The following PLG variants were observed in gnomAD, a reference collection of about 807,000 sequenced individuals.
PLG encodes the protein plasmin.
PLG carries 41 observed loss-of-function variants against 104.4 expected under a neutral mutation model. The observed-to-expected ratio is 0.39, with a 90% CI of 0.31 to 0.51. PLG has a LOEUF of 0.51. Among genes scored for constraint, PLG ranks in the 20% least tolerant of loss-of-function variants. The pLI, the probability that PLG is intolerant of heterozygous loss-of-function variation, is 0.76. For synonymous variants in PLG, 337 were observed against 357.1 expected (o/e 0.94, Z 0.63); for missense variants, 891 against 1,003.6 (o/e 0.89, Z 1.52).
intron 10 of PLG, among the ~76,000 whole-genome samples, chr6:160,727,445 T>C (rs574280260): frequency 1.3e-5 from 2 of 151,016 alleles, no homozygotes; most frequent in East Asian, 3.9e-4. Flanking sequence ...CTTGACTCAA[T>C]TTGTGAGAAA....
Position 160,736,722 on chromosome 6 carries a change from C to T in PLG, c.1682-165C>T, listed in dbSNP as rs1206488568. Among the ~76,000 whole-genome samples the T allele has an allele frequency of 6.6e-6, 1 of 152,222 alleles. No homozygotes were observed. Among genetic ancestry groups the T allele is most frequent in the Admixed American group, 6.5e-5 (1 of 15,288 alleles). On this transcript the variant is annotated intron_variant, in intron 13 of 18. Transcript: ENST00000308192. The surrounding 1 kb of genome is among the most constrained non-coding windows in gnomAD (Gnocchi z 5.2). ...AAAAGAGAGGGTCCTGTGTTGTCTA[C>T]TACCACTTTTGAAACTTAGAGAAAA...
chr6:160,749,024 G>A (rs1479963933), intron 17 of PLG, among the ~76,000 whole-genome samples: 1 of 152,186 alleles, frequency 6.6e-6, no homozygotes, highest in Non-Finnish European at 1.5e-5. Flanking sequence ...CCCTCAACAG[G>A]ATTATAGGAT....
chr6:160,705,978 T>C (rs1284916268), intron 1 of PLG: 5 of 211,928 alleles, frequency 2.4e-5, no homozygotes, highest in Non-Finnish European at 4.8e-5. Flanking sequence ...TCTTTTACTA[T>C]CTTGCAATCT....
rs948894408 is a variant in PLG at position 160,735,563 on chromosome 6, G to A, written c.1682-1324G>A. Reference sequence around the variant, plus strand: ...GTTAACCCCAAGCCTGGTGAGAAGCGTTCCCATCAGACACTTGGAAATCCT... The same window carrying A: ...GTTAACCCCAAGCCTGGTGAGAAGCATTCCCATCAGACACTTGGAAATCCT... On this transcript the variant is annotated intron_variant, in intron 13 of 18. Transcript: ENST00000308192. The surrounding 1 kb of genome is among the most constrained non-coding windows in gnomAD (Gnocchi z 5.4). Among the ~76,000 whole-genome samples, 4 of 152,166 alleles carry A rather than the reference G, an allele frequency of 2.6e-5. No individual in the cohort carries two copies. The highest frequency in any genetic ancestry group is 6.5e-5 in the Admixed American group (1 of 15,282).
Position 160,726,994 on chromosome 6 carries a change from T to G in PLG, c.1257-4057T>G, listed in dbSNP as rs1582942089. On this transcript the variant is annotated intron_variant, in intron 10 of 18. Transcript: ENST00000308192. The surrounding 1 kb of genome is among the most constrained non-coding windows in gnomAD (Gnocchi z 4.4). ...TGAGTAAATCTGTGAAACAGAAAGT[T>G]GGTTCTTTTGAAAGATTCATGTAAT... Among the ~76,000 whole-genome samples, 1 of 152,036 alleles carries G rather than the reference T, an allele frequency of 6.6e-6. No individual in the cohort carries two copies. The highest frequency in any genetic ancestry group is 1.9e-4 in the East Asian group (1 of 5,180).
Position 160,732,006 on chromosome 6 carries a change from A to T in PLG, c.1587+113A>T, listed in dbSNP as rs373446602. ...GGACTGCTCTTTTTTGTAATGGGGG[A>T]GAGGGGACAGAAGAAAATATTGGAA... On this transcript the variant is annotated intron_variant, in intron 12 of 18. Coordinates refer to ENST00000308192, the MANE Select transcript of PLG (RefSeq NM_000301.5). The surrounding 1 kb of genome is among the most constrained non-coding windows in gnomAD (Gnocchi z 4.5). 13 of 1,065,818 alleles carry T rather than the reference A, an allele frequency of 1.2e-5. No homozygotes were observed. The highest frequency in any genetic ancestry group is 7.1e-5 in the East Asian group (3 of 42,222). 66.0% of individuals were successfully genotyped at this position (1,065,818 alleles called of 1,614,324 possible).
chr6:160,734,483 G>A lies in PLG; in HGVS notation c.1681+395G>A, dbSNP rs1778054090. 6.6e-6 allele frequency among the ~76,000 whole-genome samples: 1 copy of A among 152,130 alleles called. No individual in the cohort carries two copies. Among genetic ancestry groups the A allele is most frequent in the South Asian group, 2.1e-4 (1 of 4,824 alleles). Reference sequence around the variant, plus strand: ...AGAAAATACAAACAGCAGGAAACAGGTAAGCATGTAACGCACATTGTAAAC... The same window carrying A: ...AGAAAATACAAACAGCAGGAAACAGATAAGCATGTAACGCACATTGTAAAC... On this transcript the variant is annotated intron_variant, in intron 13 of 18. Transcript: ENST00000308192. The surrounding 1 kb of genome is among the most constrained non-coding windows in gnomAD (Gnocchi z 4.4).
intron 9 of PLG, among the ~76,000 whole-genome samples, chr6:160,720,100 C>T (rs747138404): frequency 2.6e-5 from 4 of 152,076 alleles, no homozygotes; most frequent in Non-Finnish European, 5.9e-5. Flanking sequence ...ATTTTGCCTT[C>T]AGTTTTTAAA....
intron 3 of PLG, among the ~76,000 whole-genome samples, 164 bp from the exon 4 acceptor site, chr6:160,710,913 G>T (rs184424105): frequency 1.3e-5 from 2 of 152,292 alleles, no homozygotes; most frequent in East Asian, 3.9e-4. Context: ...TCAAAGAATG[G>T]CTCAGTTTAC....
chr6:160,713,511 C>T (rs1050109539), intron 5 of PLG: 3 of 239,594 alleles, frequency 1.3e-5, no homozygotes, highest in East Asian at 1.0e-4. Flanking sequence ...TCAGGTGATC[C>T]GCCTGCCTCA....
Position 160,716,650 on chromosome 6 carries a change from C to T in PLG, c.674C>T (p.Pro225Leu). The T allele has an allele frequency of 6.3e-7, 1 of 1,590,938 alleles. No homozygotes were observed. Among genetic ancestry groups the T allele is most frequent in the Non-Finnish European group, 8.6e-7 (1 of 1,158,948 alleles). ...AATCTTTCTTGTCCATTCAGATTTC[C>T]AAACAAGAACCTGAAGAAGAATTAC... is the stretch of plus-strand genomic sequence containing the variant. ...HAHGYIPSKF[P>L]NKNLKKNYCR... The change falls in exon 7 of 19, where the codon CCA becomes CTA. Residue 225 changes from proline to leucine, a missense_variant. Transcript: ENST00000308192.
intron 1 of PLG, among the ~76,000 whole-genome samples, chr6:160,703,409 C>T (rs868830280): frequency 1.7e-4 from 26 of 152,242 alleles, no homozygotes; most frequent in East Asian, 3.9e-4. Context: ...CCCCCAAAAA[C>T]GCACTCCACT....
At chr6:160,748,444 G>GAGAAAGAAAGAAA (rs1314017241) in intron 17 of PLG, among the ~76,000 whole-genome samples, 4 of 24,432 alleles carry the variant, frequency 1.6e-4, no homozygotes, top group East Asian at 0.071. Flanking sequence ...AAGAAAGAAG[G>GAGAAAGAAAGAAA]GAGGGAGGGA....
At position 160,723,081 on chromosome 6, in the gene PLG, T is replaced by C. The variant is rs1777863644; in HGVS notation, c.1256+514T>C. Reference sequence around the variant, plus strand: ...CACACATATATGAGATATACAAGTATACATATATAGTGTGTATATATATGT... The same window carrying C: ...CACACATATATGAGATATACAAGTACACATATATAGTGTGTATATATATGT... On this transcript the variant is annotated intron_variant, in intron 10 of 18. Coordinates refer to ENST00000308192, the MANE Select transcript of PLG (RefSeq NM_000301.5). This position sits in a 1 kb window ranked among gnomAD's most constrained non-coding sequence, Gnocchi z 4.7. 1.4e-5 allele frequency among the ~76,000 whole-genome samples: 2 copies of C among 141,198 alleles called. No homozygotes were observed. The highest frequency in any genetic ancestry group is 1.4e-4 in the Admixed American group (2 of 14,698). The allele number at this position is 141,198 out of a possible 152,430, so 92.6% of individuals were successfully genotyped here. A position where few individuals can be genotyped will look rare whatever the true frequency, so the allele number is the denominator to read the frequency against.
In PLG at chr6:160,753,328, C is replaced by G. The variant is rs1373612846; in HGVS notation, c.*267C>G. ...TTTTGGTCTTCAACATTTTCATGCTCTTTGTTCACCCCACCAATTTTTAAA... is the reference window on the plus strand; with the variant it reads ...TTTTGGTCTTCAACATTTTCATGCTGTTTGTTCACCCCACCAATTTTTAAA... On this transcript the variant is annotated 3_prime_UTR_variant, in exon 19 of 19. Transcript: ENST00000308192. This position sits in a 1 kb window ranked among gnomAD's most constrained non-coding sequence, Gnocchi z 5.4. 11 of 465,446 alleles carry G rather than the reference C, an allele frequency of 2.4e-5. No individual in the cohort carries two copies. The highest frequency in any genetic ancestry group is 2.1e-4 in the South Asian group (10 of 47,130). 28.8% of individuals were successfully genotyped at this position (465,446 alleles called of 1,614,324 possible).
chr6:160,740,364 G>C lies in PLG; in HGVS notation c.2019-947G>C. 6.6e-6 allele frequency among the ~76,000 whole-genome samples: 1 copy of C among 152,230 alleles called. No homozygotes were observed. The highest frequency in any genetic ancestry group is 1.5e-5 in the Non-Finnish European group (1 of 68,048). Reference sequence around the variant, plus strand: ...CCCCGTTCCTCATGATCCTCAGAGAGCTGGGGTGTTCTGATGGCTTGAACA... The same window carrying C: ...CCCCGTTCCTCATGATCCTCAGAGACCTGGGGTGTTCTGATGGCTTGAACA... On this transcript the variant is annotated intron_variant, in intron 16 of 18. Coordinates refer to ENST00000308192, the MANE Select transcript of PLG (RefSeq NM_000301.5). This position sits in a 1 kb window ranked among gnomAD's most constrained non-coding sequence, Gnocchi z 5.2.
chr6:160,713,497 G>A (rs543242993), intron 5 of PLG: 10 of 254,582 alleles, frequency 3.9e-5, no homozygotes, highest in African/African-American at 6.7e-5. Context: ...TTGAACTCTC[G>A]ACCTCAGGTG....
At chr6:160,728,012 A>AT (rs1179825009) in intron 10 of PLG, among the ~76,000 whole-genome samples, 1 of 152,014 alleles carries the variant, frequency 6.6e-6, no homozygotes, top group African/African-American at 2.4e-5. Context: ...GAGAGGAAGA[A>AT]TTAAAACTGC....
chr6:160,749,524 ACATCACCATCACCATCAT>A (rs1778360427), intron 17 of PLG, among the ~76,000 whole-genome samples: 1 of 147,418 alleles, frequency 6.8e-6, no homozygotes, highest in Non-Finnish European at 1.5e-5. Context: ...ACTGCCATCA[ACATCACCATCACCATCAT>A]CACCACCATC....
Sources: allele counts gnomAD v4.1 joint callset (sites outside exome capture counted in the v4.1 genomes callset), GRCh38; gene constraint gnomAD v4.1.1; non-coding constraint Gnocchi (gnomAD v3.1); transcripts MANE v1.5; gene names NCBI Gene and HGNC (gene_info 2026-07-23, HGNC 2026-07-21).